The following DHX40 variants were observed in gnomAD, a reference collection of about 807,000 sequenced individuals.
DHX40 encodes DEAH-box helicase 40.
In DHX40, 28 loss-of-function variants were observed where a neutral mutation model predicts 89.6. The ratio of observed to expected loss-of-function variants is 0.31; its 90% confidence interval spans 0.23 to 0.43. The LOEUF (loss-of-function observed/expected upper bound fraction) is 0.43. Ranked by LOEUF, DHX40 falls within the 20% of genes least tolerant of loss-of-function variation. The pLI is 1.00. For missense variants in DHX40, 457 were observed against 844.0 expected, an observed-to-expected ratio of 0.54 and a Z score of 5.68; for synonymous variants, 226 against 283.6, an observed-to-expected ratio of 0.80 and a Z score of 2.04.
intron 6 of DHX40, among the ~76,000 whole-genome samples, chr17:59,574,802 A>T (rs1248337471): frequency 8.6e-5 from 13 of 151,702 alleles, no homozygotes; most frequent in Non-Finnish European, 1.9e-4. Flanking sequence ...AAGGTGTAGA[A>T]TCTATGTGTC....
intron 12 of DHX40, among the ~76,000 whole-genome samples, chr17:59,591,767 T>C (rs1049788110): frequency 1.3e-5 from 2 of 151,838 alleles, no homozygotes; most frequent in Non-Finnish European, 2.9e-5. Flanking sequence ...TAAGAATAAA[T>C]TGGAAGCATT....
chr17:59,594,919 C>G (rs979797735), intron 12 of DHX40, among the ~76,000 whole-genome samples: 1 of 151,722 alleles, frequency 6.6e-6, no homozygotes, highest in Non-Finnish European at 1.5e-5. Flanking sequence ...TAATCAATCT[C>G]CAGAGACTTT....
chr17:59,604,892 A>G, intron 15 of DHX40: 1 of 491,428 alleles, frequency 2.0e-6, no homozygotes, highest in South Asian at 3.2e-5. Context: ...CTTATACCTA[A>G]TTGTAGTGAC....
In DHX40 at chr17:59,566,775, A is replaced by G. The variant is rs759609244; in HGVS notation, c.261A>G (p.Pro87=). 20 of 1,583,442 alleles carry G rather than the reference A, an allele frequency of 1.3e-5. 1 individual carries two copies. The highest frequency in any genetic ancestry group is 1.1e-4 in the South Asian group (9 of 85,356). The stretch of plus-strand genomic sequence containing the variant: ...GAAGTGGTAAAACAACTCAACTCCC[A>G]AAATATCTATATGAAGCAGGTGATT... The part of the protein sequence containing the change: ...NTGSGKTTQL[P]KYLYEAGFSQ... Residue 87 remains proline, a synonymous_variant, in exon 2 of 18, where the codon CCA becomes CCG. Transcript: ENST00000251241.
At chr17:59,603,119 G>A (rs7209369) in intron 15 of DHX40, among the ~76,000 whole-genome samples, 64,229 of 151,922 alleles carry the variant, frequency 0.42, 18,073 homozygotes, top group African/African-American at 0.79. Flanking sequence ...ACATAACTCT[G>A]TGAGTGATAA....
intron 14 of DHX40, 74 bp from the exon 15 acceptor site, chr17:59,602,448 T>C: frequency 1.5e-6 from 2 of 1,346,412 alleles, no homozygotes; most frequent in South Asian, 2.7e-5. Context: ...TTTAGAAATG[T>C]GGATTTTTCA....
intron 14 of DHX40, among the ~76,000 whole-genome samples, chr17:59,599,823 C>A (rs899065482): frequency 3.3e-5 from 5 of 150,440 alleles, no homozygotes; most frequent in African/African-American, 1.2e-4. Context: ...CATCCTCCCC[C>A]CCACCTTTTT....
intron 8 of DHX40, among the ~76,000 whole-genome samples, chr17:59,578,267 C>CT (rs1244365588): frequency 1.6e-5 from 2 of 125,326 alleles, no homozygotes; most frequent in African/African-American, 6.4e-5. Context: ...GAGAGGAAGT[C>CT]TAATTTCCTC....
intron 1 of DHX40, among the ~76,000 whole-genome samples, 155 bp downstream of exon 1, chr17:59,565,938 A>G (rs372797821): frequency 3.3e-5 from 5 of 150,742 alleles, no homozygotes; most frequent in African/African-American, 7.3e-5. Flanking sequence ...TTTGCGTCCA[A>G]TGAGCACTTT....
chr17:59,597,516 T>C (rs1279685401), intron 12 of DHX40, among the ~76,000 whole-genome samples: 1 of 151,564 alleles, frequency 6.6e-6, no homozygotes, highest in Non-Finnish European at 1.5e-5. Context: ...AAGAACTGGT[T>C]AAATTGTGTT....
chr17:59,604,819 A>G, intron 15 of DHX40: 1 of 284,474 alleles, frequency 3.5e-6, no homozygotes. Context: ...TTTAGTTTTG[A>G]CTTTTTAATA....
rs2048900009 is a variant in DHX40, at chr17:59,577,383, T to C, written c.1073+18T>C. 1 of 1,600,122 alleles carries C rather than the reference T, an allele frequency of 6.2e-7. No homozygotes were observed. The highest frequency in any genetic ancestry group is 1.3e-5 in the African/African-American group (1 of 74,592). ...GGAATCAGGTAAAACTTTTGAACTT[T>C]CTCTTAAAGTCAAGGAAGCCTATCG... On this transcript the variant is annotated intron_variant, in intron 8 of 17. Coordinates refer to ENST00000251241, the MANE Select transcript of DHX40 (RefSeq NM_024612.5).
At chr17:59,569,000 G>A (rs1176411260) in intron 2 of DHX40, among the ~76,000 whole-genome samples, 1 of 152,016 alleles carries the variant, frequency 6.6e-6, no homozygotes, top group Non-Finnish European at 1.5e-5. Flanking sequence ...TTACAGGTGT[G>A]TACCACTGCT....
At chr17:59,570,151 A>G (rs1049517563) in intron 2 of DHX40, among the ~76,000 whole-genome samples, 2 of 128,738 alleles carry the variant, frequency 1.6e-5, no homozygotes, top group Non-Finnish European at 3.1e-5. Flanking sequence ...TATAAATTAT[A>G]TAATACATAT....
Position 59,607,328 on chromosome 17 carries a change from C to T in DHX40, c.*156C>T, listed in dbSNP as rs1169521346. The T allele has an allele frequency of 7.0e-6, 10 of 1,433,664 alleles. No individual in the cohort carries two copies. Among genetic ancestry groups the T allele is most frequent in the Non-Finnish European group, 9.6e-6 (10 of 1,045,144 alleles). 88.8% of individuals were successfully genotyped at this position (1,433,664 alleles called of 1,614,324 possible). ...AAATCAAAGCTCATAAATCAAAGCT[C>T]ATCAGTTCCCATAAATGCAGTTGTC... On this transcript the variant is annotated 3_prime_UTR_variant, in exon 18 of 18. Coordinates refer to ENST00000251241, the MANE Select transcript of DHX40 (RefSeq NM_024612.5).
intron 14 of DHX40, among the ~76,000 whole-genome samples, chr17:59,600,843 T>C (rs2030460515): frequency 7.0e-6 from 1 of 142,034 alleles, no homozygotes; most frequent in South Asian, 2.3e-4. Flanking sequence ...CAGCACCCTG[T>C]CTCAAAAAAA....
At chr17:59,587,067 C>T (rs972024602) in intron 11 of DHX40, among the ~76,000 whole-genome samples, 6 of 150,948 alleles carry the variant, frequency 4.0e-5, no homozygotes, top group African/African-American at 1.5e-4. Context: ...GTGGGAGGAT[C>T]GTCTGAGCTT....
In DHX40 at chr17:59,606,725, G is replaced by A. The variant is rs1052977285; in HGVS notation, c.2201-308G>A. On this transcript the variant is annotated intron_variant, in intron 17 of 17. Coordinates refer to ENST00000251241, the MANE Select transcript of DHX40 (RefSeq NM_024612.5). ...TGCGCCACTGCACTCCAGCCTGGGC[G>A]ACAGAGTGAGACTCCGTCTCAAAAA... Among the ~76,000 whole-genome samples, 105 of 145,996 alleles carry A rather than the reference G, an allele frequency of 7.2e-4. 2 individuals are homozygous for A. Among genetic ancestry groups the A allele is most frequent in the South Asian group, 2.2e-4 (1 of 4,648 alleles).
intron 14 of DHX40, among the ~76,000 whole-genome samples, chr17:59,600,054 C>T (rs186582168): frequency 1.9e-3 from 293 of 152,220 alleles, no homozygotes; most frequent in African/African-American, 6.8e-3. Context: ...AAACTCCTGA[C>T]CTCAAGTGAT....
Sources: gnomAD v4.1 joint callset for allele counts (sites outside exome capture counted in the v4.1 genomes callset) on GRCh38, gnomAD v4.1.1 for gene constraint, MANE v1.5 for transcripts, NCBI Gene and HGNC (gene_info 2026-07-23, HGNC 2026-07-21) for gene names.